Variants in TENM2 observed in about 807,000 individuals in gnomAD.
The protein encoded by TENM2 is teneurin transmembrane protein 2, also known as teneurin-2.
TENM2 carries 52 observed loss-of-function variants against 245.2 expected under a neutral mutation model. The observed-to-expected ratio is 0.21, with a 90% CI of 0.17 to 0.27. TENM2 has a LOEUF of 0.27. TENM2 is among the 10% of genes least tolerant of loss of function. TENM2 has a pLI of 1.00. For missense variants in TENM2, 3,046 were observed against 3,666.8 expected, an observed-to-expected ratio of 0.83 and a Z score of 4.37; for synonymous variants, 1,363 against 1,438.9, an observed-to-expected ratio of 0.95 and a Z score of 1.19.
intron 3 of TENM2, among the ~76,000 whole-genome samples, chr5:167,947,206 T>C (rs886551550): frequency 2.0e-5 from 3 of 152,084 alleles, no homozygotes; most frequent in Non-Finnish European, 4.4e-5. Context: ...CCCTAGGAGG[T>C]ACTAATCATT....
the TENM2 span, among the ~76,000 whole-genome samples, chr5:167,229,794 C>A: frequency 2.0e-5 from 3 of 152,144 alleles, no homozygotes. Context: ...GGGGTGAGCC[C>A]CAGGCTGTCA....
intron 2 of TENM2, among the ~76,000 whole-genome samples, chr5:167,726,707 CT>C (rs1248735100): frequency 6.6e-6 from 1 of 152,146 alleles, no homozygotes; most frequent in African/African-American, 2.4e-5. Context: ...GATCCTCTTG[CT>C]TTGGCCTCCC....
chr5:168,062,216 C>T, exon 7 of TENM2: 1 of 1,613,818 alleles, frequency 6.2e-7, no homozygotes, highest in Non-Finnish European at 8.5e-7. Context: ...GGGAAGGACG[C>T]TCTCTTTGGT....
At chr5:167,408,835 G>C (rs1185050936) in intron 2 of TENM2, among the ~76,000 whole-genome samples, 3 of 149,532 alleles carry the variant, frequency 2.0e-5, no homozygotes, top group Non-Finnish European at 4.4e-5. Flanking sequence ...GTATATATAT[G>C]TCTAATATAT....
intron 2 of TENM2, among the ~76,000 whole-genome samples, chr5:167,459,938 A>ACACG (rs1349784287): frequency 3.5e-5 from 5 of 142,352 alleles, no homozygotes; most frequent in African/African-American, 7.7e-5. Context: ...ACACACACGC[A>ACACG]CACACACACA....
intron 2 of TENM2, among the ~76,000 whole-genome samples, chr5:167,492,118 G>A (rs1018330061): frequency 1.4e-4 from 21 of 152,060 alleles, no homozygotes; most frequent in Non-Finnish European, 2.6e-4. Flanking sequence ...AAGCAGAAAA[G>A]CATTTATATC....
intron 13 of TENM2, among the ~76,000 whole-genome samples, chr5:168,165,648 A>ACACCCCCCCCCCCC (rs1758190842): frequency 3.2e-5 from 1 of 30,942 alleles, no homozygotes; most frequent in Non-Finnish European, 5.6e-5. Flanking sequence ...CCCCCCCCCA[A>ACACCCCCCCCCCCC]CCCCCCCCCC....
chr5:168,056,564 A>T (rs183080361), intron 6 of TENM2, among the ~76,000 whole-genome samples: 5 of 152,238 alleles, frequency 3.3e-5, no homozygotes, highest in African/African-American at 1.2e-4. Context: ...ACCTAGTGAC[A>T]TCTTAGCTGT....
chr5:167,411,606 G>GTGTGTGTGTA (rs1340189182), intron 2 of TENM2, among the ~76,000 whole-genome samples: 5 of 147,766 alleles, frequency 3.4e-5, no homozygotes, highest in South Asian at 2.2e-4. Flanking sequence ...GTGTGTGTGT[G>GTGTGTGTGTA]TGTATGTATG....
At chr5:167,129,339 C>G in the TENM2 span, among the ~76,000 whole-genome samples, 2 of 152,270 alleles carry the variant, frequency 1.3e-5, no homozygotes, top group South Asian at 4.1e-4. Flanking sequence ...TCCCAGAATC[C>G]TAATTCCCAG....
chr5:167,419,101 A>G (rs1290061113), intron 2 of TENM2, among the ~76,000 whole-genome samples: 1 of 149,412 alleles, frequency 6.7e-6, no homozygotes, highest in Non-Finnish European at 1.5e-5. Context: ...ATGTATATAC[A>G]CACACACATG....
chr5:168,143,843 CTTTTTTTTTT>C (rs70976464), intron 12 of TENM2, among the ~76,000 whole-genome samples: 2 of 102,716 alleles, frequency 1.9e-5, no homozygotes, highest in African/African-American at 3.8e-5. Flanking sequence ...TACTACACTT[CTTTTTTTTTT>C]TTTTTTTTTT....
At chr5:167,927,236 A>G (rs941987234) in intron 3 of TENM2, among the ~76,000 whole-genome samples, 2 of 152,196 alleles carry the variant, frequency 1.3e-5, no homozygotes, top group African/African-American at 2.4e-5. Context: ...GGCTGGGTTC[A>G]TCGGTCTAAA....
At chr5:167,376,168 A>G (rs959999211) in intron 2 of TENM2, among the ~76,000 whole-genome samples, 3 of 152,220 alleles carry the variant, frequency 2.0e-5, no homozygotes, top group African/African-American at 7.2e-5. Context: ...AAATATAGAG[A>G]AGCCTAAGCA....
the TENM2 span, among the ~76,000 whole-genome samples, chr5:167,033,492 T>C: frequency 6.6e-6 from 1 of 152,340 alleles, no homozygotes; most frequent in East Asian, 1.9e-4. Context: ...TATGACAAGC[T>C]GATTGTGGTC....
chr5:167,481,469 C>T (rs533480045), intron 2 of TENM2, among the ~76,000 whole-genome samples: 2 of 152,176 alleles, frequency 1.3e-5, no homozygotes, highest in African/African-American at 2.4e-5. Flanking sequence ...ACATCCACGC[C>T]ATTAGCATTG....
chr5:167,934,704 G>A lies in TENM2; in HGVS notation c.713-17884G>A, dbSNP rs932778547. On this transcript the variant is annotated intron_variant, in intron 3 of 28. Transcript: ENST00000518659. ...GGGAGGGAAGACAAAGATAGCACTCGCCTGTCTGACTCAGGGCATACCAAT... is the reference window on the plus strand; with the variant it reads ...GGGAGGGAAGACAAAGATAGCACTCACCTGTCTGACTCAGGGCATACCAAT... Among the ~76,000 whole-genome samples, 11 of 152,276 alleles carry A rather than the reference G, an allele frequency of 7.2e-5. No homozygotes were observed. The East Asian group carries it at 7.7e-4, about 11-fold the overall frequency.
At chr5:167,329,411 G>A (rs1268692399) in intron 1 of TENM2, among the ~76,000 whole-genome samples, 1 of 150,842 alleles carries the variant, frequency 6.6e-6, no homozygotes, top group Non-Finnish European at 1.5e-5. Context: ...AAATAGCCTG[G>A]CGTGGTGGCA....
chr5:167,931,553 A>G (rs1184823695), intron 3 of TENM2, among the ~76,000 whole-genome samples: 3 of 41,704 alleles, frequency 7.2e-5, no homozygotes, highest in Admixed American at 3.4e-4. Context: ...ACCCATTGGA[A>G]AAAAAAAAAA....
Sources: allele counts gnomAD v4.1 joint callset (sites outside exome capture counted in the v4.1 genomes callset), GRCh38; gene constraint gnomAD v4.1.1; transcripts MANE v1.5; gene names NCBI Gene and HGNC (gene_info 2026-07-23, HGNC 2026-07-21).